PLEKHG4: variants seen among roughly 807,000 people sequenced by gnomAD.
PLEKHG4 encodes the protein puratrophin-1.
A neutral mutation model predicts 136.9 loss-of-function variants in PLEKHG4; 85 were observed. That is an observed-to-expected ratio of 0.62 (90% CI 0.52 to 0.74). PLEKHG4 has a LOEUF of 0.74. PLEKHG4 is among the 30% of genes least tolerant of loss of function. The probability of loss-of-function intolerance (pLI) is 0.00; values close to 1 mark genes in which losing one functional copy is unlikely to be tolerated. For missense variants in PLEKHG4, 1,317 were observed against 1,527.8 expected (o/e 0.86, Z 2.30); for synonymous variants, 577 against 646.9 (o/e 0.89, Z 1.64).
At chr16:67,279,666 GC>G (rs2036119005) in intron 1 of PLEKHG4, 40 bp downstream of exon 1, 1 of 186,174 alleles carries the variant, frequency 5.4e-6, no homozygotes, top group African/African-American at 2.4e-5. Context: ...CGCGCGGTAG[GC>G]CCTGCAACAA....
Position 67,284,904 on chromosome 16 carries a change from C to T in PLEKHG4, c.1884C>T (p.Ala628=). The part of the protein sequence containing the change: ...SEAIRQECRW[A]WARCQDTWLA... Reference sequence around the variant, plus strand: ...CCATCCGCCAGGAGTGCCGCTGGGCCTGGGCGCGGTGCCAGGACACCTGGC... The same window carrying T: ...CCATCCGCCAGGAGTGCCGCTGGGCTTGGGCGCGGTGCCAGGACACCTGGC... Residue 628 remains alanine, a synonymous_variant, in exon 13 of 22, where the codon GCC becomes GCT. Transcript: ENST00000379344. The surrounding 1 kb of genome is among the most constrained non-coding windows in gnomAD (Gnocchi z 4.4). The T allele has an allele frequency of 1.2e-6, 2 of 1,612,654 alleles. No individual in the cohort carries two copies. Among genetic ancestry groups the T allele is most frequent in the Non-Finnish European group, 1.7e-6 (2 of 1,179,796 alleles).
Position 67,284,188 on chromosome 16 carries a change from C to A in PLEKHG4, c.1510-87C>A. 4 of 1,158,144 alleles carry A rather than the reference C, an allele frequency of 3.5e-6. No individual in the cohort carries two copies. Among genetic ancestry groups the A allele is most frequent in the Admixed American group, 2.0e-5 (1 of 49,472 alleles). 71.7% of individuals were successfully genotyped at this position (1,158,144 alleles called of 1,614,324 possible). A position where few individuals can be genotyped will look rare whatever the true frequency, so the allele number is the denominator to read the frequency against. On this transcript the variant is annotated intron_variant, in intron 11 of 21. Coordinates refer to ENST00000379344, the MANE Select transcript of PLEKHG4 (RefSeq NM_001129729.3). This position sits in a 1 kb window ranked among gnomAD's most constrained non-coding sequence, Gnocchi z 4.4. ...CACCACAGGACAGACTTGATGGGGA[C>A]ATGTCGATATGTCAGCAGGAAGTAT...
Position 67,286,797 on chromosome 16 carries a change from G to T in PLEKHG4, c.2803G>T (p.Val935Leu), listed in dbSNP as rs2142475335. 1 of 1,614,034 alleles carries T rather than the reference G, an allele frequency of 6.2e-7. No homozygotes were observed. Among genetic ancestry groups the T allele is most frequent in the East Asian group, 2.2e-5 (1 of 44,884 alleles). ...GQLVRQDEFV[V>L]RTGRHKSVRR... is the part of the protein sequence containing the mutation. Reference sequence around the variant, plus strand: ...GCTGGTGCGACAGGATGAGTTTGTGGTGCGCACTGGGCGCCACAAGTCCGT... The same window carrying T: ...GCTGGTGCGACAGGATGAGTTTGTGTTGCGCACTGGGCGCCACAAGTCCGT... The change falls in exon 17 of 22, where the codon GTG (valine) becomes TTG (leucine). Residue 935 changes from valine (V) to leucine (L), a missense_variant. By Grantham distance (32) the Val-to-Leu change is conservative. Coordinates refer to ENST00000379344, the MANE Select transcript of PLEKHG4 (RefSeq NM_001129729.3).
Position 67,280,505 on chromosome 16 carries a change from G to C in PLEKHG4, c.461G>C (p.Gly154Ala). The C allele has an allele frequency of 6.2e-7, 1 of 1,610,626 alleles. No homozygotes were observed. The change falls in exon 2 of 22, where the codon GGA becomes GCA. Residue 154 changes from glycine to alanine, a missense_variant. Gly to Ala is a moderately conservative substitution (Grantham distance 60). Coordinates refer to ENST00000379344, the MANE Select transcript of PLEKHG4 (RefSeq NM_001129729.3). The surrounding 1 kb of genome is among the most constrained non-coding windows in gnomAD (Gnocchi z 4.4). ...TTGGACAGCGACCCTGTGGGCCTTG[G>C]AGACCCTTTATCAGAAATATCAAAG... ...GALDSDPVGL[G>A]DPLSEISKLL...
chr16:67,278,047 G>C (rs2036056354), upstream of PLEKHG4: 1 of 152,360 alleles, frequency 6.6e-6, no homozygotes, highest in Non-Finnish European at 1.5e-5. Flanking sequence ...GGCTCCTGGG[G>C]GACTTGGCTG....
In PLEKHG4 at chr16:67,284,768, G is replaced by A. The variant is rs184805607; in HGVS notation, c.1748G>A (p.Arg583His). The change falls in exon 13 of 22, where the codon CGC (arginine) becomes CAC (histidine). Residue 583 changes from arginine to histidine, a missense_variant. Arg to His is a conservative substitution (Grantham distance 29). Transcript: ENST00000379344. This position sits in a 1 kb window ranked among gnomAD's most constrained non-coding sequence, Gnocchi z 4.4. The stretch of plus-strand genomic sequence containing the variant: ...GTGTTGGCAGAGCTGGAGCAGGAAC[G>A]CCCGGGGGTTGTGTTGCAGCAGCTG... ...QRVLAELEQE[R>H]PGVVLQQLQL... is the part of the protein sequence containing the mutation. 1.0e-4 allele frequency: 163 copies of A among 1,613,808 alleles called. No individual in the cohort carries two copies. The East Asian group carries it at 3.3e-3, about 32-fold the overall frequency.
At position 67,282,331 on chromosome 16, in the gene PLEKHG4, C is replaced by T. The variant is rs11860295; in HGVS notation, c.1235C>T (p.Thr412Ile). The change falls in exon 9 of 22, where the codon ACC (threonine) becomes ATC (isoleucine). Residue 412 changes from threonine (T) to isoleucine (I), a missense_variant. Thr to Ile is a moderately conservative substitution (Grantham distance 89). Coordinates refer to ENST00000379344, the MANE Select transcript of PLEKHG4 (RefSeq NM_001129729.3). ...TWLKQEVPEV[T>I]LSPDYRTAMD... The stretch of plus-strand genomic sequence containing the variant: ...CTGAAGCAAGAGGTCCCAGAGGTGA[C>T]CCTGAGCCCAGACTACAGGTGAGTG... The T allele has an allele frequency of 0.1, 168,014 of 1,612,318 alleles. 18,869 individuals are homozygous for T. Among genetic ancestry groups the T allele is most frequent in the African/African-American group, 0.58 (43,564 of 74,914 alleles).
At position 67,286,330 on chromosome 16, in the gene PLEKHG4, C is replaced by T; in HGVS notation, c.2499C>T (p.Ala833=). The change falls in exon 15 of 22, where the codon GCC becomes GCT. Residue 833 remains alanine (A), a synonymous_variant. Transcript: ENST00000379344. The part of the protein sequence containing the change: ...LYSKNKPRSD[A]LMSSYGHTFF... ...GCAAGAATAAGCCTCGCTCCGATGC[C>T]CTGATGTCAAGCTATGGGCACACCT... is the stretch of plus-strand genomic sequence containing the variant. 6.2e-7 allele frequency: 1 copy of T among 1,613,934 alleles called. No individual in the cohort carries two copies. Among genetic ancestry groups the T allele is most frequent in the Non-Finnish European group, 8.5e-7 (1 of 1,179,878 alleles).
Position 67,282,282 on chromosome 16 carries a change from C to CA in PLEKHG4, c.1187dup (p.Arg399ProfsTer27), listed in dbSNP as rs2036268005. On this transcript the variant is annotated frameshift_variant, in exon 9 of 22. Transcript: ENST00000379344. LOFTEE classifies it high-confidence loss of function. ...GCCATGGCTGGCATGGCTACAATGC[C>CA]AGGGGGGCCGGGAGCTGACATGGCT... 19 of 1,613,170 alleles carry CA rather than the reference C, an allele frequency of 1.2e-5. No homozygotes were observed. Among genetic ancestry groups the CA allele is most frequent in the Non-Finnish European group, 1.5e-5 (18 of 1,180,026 alleles).
In PLEKHG4 at chr16:67,288,292, C is replaced by G; in HGVS notation, c.3346C>G (p.Leu1116Val). The G allele has an allele frequency of 6.2e-7, 1 of 1,613,118 alleles. No individual in the cohort carries two copies. Among genetic ancestry groups the G allele is most frequent in the South Asian group, 1.1e-5 (1 of 91,088 alleles). Residue 1116 changes from leucine (L) to valine (V), a missense_variant, in exon 20 of 22, where the codon CTG becomes GTG. Physicochemically the swap from Leu to Val is conservative, Grantham distance 32. Transcript: ENST00000379344. The part of the protein sequence containing the change: ...CSVLGSLNLH[L>V]YRDPALLGLR... ...TGTTCTGGGGTCCCTCAACCTGCAC[C>G]TGTACAGAGACCCAGCTCTTCTGGG...
chr16:67,284,336 T>C lies in PLEKHG4; in HGVS notation c.1571T>C (p.Leu524Pro), dbSNP rs748143020. The C allele has an allele frequency of 1.2e-6, 2 of 1,613,870 alleles. No homozygotes were observed. Among genetic ancestry groups the C allele is most frequent in the African/African-American group, 1.3e-5 (1 of 75,044 alleles). The change falls in exon 12 of 22, where the codon CTG becomes CCG. Residue 524 changes from leucine (L) to proline (P), a missense_variant. Leu to Pro is a moderately conservative substitution (Grantham distance 98). Coordinates refer to ENST00000379344, the MANE Select transcript of PLEKHG4 (RefSeq NM_001129729.3). This position sits in a 1 kb window ranked among gnomAD's most constrained non-coding sequence, Gnocchi z 4.4. ...QPLTGWEAAE[L>P]DPPGARFLAL... The stretch of plus-strand genomic sequence containing the variant: ...CTGACTGGCTGGGAGGCGGCTGAAC[T>C]GGACCCCCCTGGGGCACGCTTTCTG...
chr16:67,288,781 C>T lies in PLEKHG4; in HGVS notation c.3571-22C>T, dbSNP rs759601846. The stretch of plus-strand genomic sequence containing the variant: ...GTCCAGAGTCAGGGAAGCAGGCATT[C>T]ATGCCTGGCCTGGCCCTGCAGGTCT... On this transcript the variant is annotated intron_variant, in intron 21 of 21. Coordinates refer to ENST00000379344, the MANE Select transcript of PLEKHG4 (RefSeq NM_001129729.3). 3.7e-6 allele frequency: 6 copies of T among 1,613,384 alleles called. No individual in the cohort carries two copies. In the Admixed American group the frequency reaches 5.0e-5, roughly 13 times the overall value.
At chr16:67,281,912 G>T (rs1348753785) in intron 7 of PLEKHG4, 75 bp downstream of exon 7, 2 of 1,544,202 alleles carry the variant, frequency 1.3e-6, no homozygotes, top group African/African-American at 1.4e-5. Flanking sequence ...TCTGGGGCTG[G>T]CTTGAACCAG....
Position 67,287,974 on chromosome 16 carries a change from C to A in PLEKHG4, c.3180C>A (p.Ala1060=). 6.2e-7 allele frequency: 1 copy of A among 1,613,494 alleles called. No individual in the cohort carries two copies. Among genetic ancestry groups the A allele is most frequent in the South Asian group, 1.1e-5 (1 of 91,058 alleles). The change falls in exon 19 of 22, where the codon GCC becomes GCA. Residue 1060 remains alanine (A), a synonymous_variant. Coordinates refer to ENST00000379344, the MANE Select transcript of PLEKHG4 (RefSeq NM_001129729.3). ...GAGACATTGCTCCCAGCGAGGAAGC[C>A]ATCAACGACCGCACCGTCAACTATG... ...AFRDIAPSEE[A]INDRTVNYVL...
intron 18 of PLEKHG4, 149 bp downstream of exon 18, chr16:67,287,326 G>C (rs2036523376): frequency 1.2e-6 from 1 of 807,080 alleles, no homozygotes; most frequent in South Asian, 1.4e-5. Context: ...TTCAAAGCCA[G>C]GCAGCCTTGC....
rs1164821793 is a variant in PLEKHG4 at position 67,289,139 on chromosome 16, C to T, written c.*331C>T. The T allele has an allele frequency of 2.0e-6, 1 of 493,890 alleles. No homozygotes were observed. Among genetic ancestry groups the T allele is most frequent in the Non-Finnish European group, 3.7e-6 (1 of 270,336 alleles). The allele number at this position is 493,890 out of a possible 1,614,324, so 30.6% of individuals were successfully genotyped here. A position where few individuals can be genotyped will look rare whatever the true frequency, so the allele number is the denominator to read the frequency against. ...TAGGCTGGTGGGGGACCATGTGCCT[C>T]TAGGCAGTGACTAGGGTGCCCCCAC... is the stretch of plus-strand genomic sequence containing the variant. On this transcript the variant is annotated 3_prime_UTR_variant, in exon 22 of 22. Transcript: ENST00000379344.
Position 67,288,867 on chromosome 16 carries a change from T to C in PLEKHG4, c.*59T>C, listed in dbSNP as rs2036615716. On this transcript the variant is annotated 3_prime_UTR_variant, in exon 22 of 22. Coordinates refer to ENST00000379344, the MANE Select transcript of PLEKHG4 (RefSeq NM_001129729.3). ...CTGCAGCTCCAAGGAACATTGCCTC[T>C]CTGGATCTGCTGTGACCAGGGTGTG... 6.3e-7 allele frequency: 1 copy of C among 1,594,956 alleles called. No homozygotes were observed. Among genetic ancestry groups the C allele is most frequent in the Non-Finnish European group, 8.6e-7 (1 of 1,167,326 alleles).
chr16:67,278,705 C>T (rs556799199), upstream of PLEKHG4: 10 of 152,344 alleles, frequency 6.6e-5, no homozygotes, highest in African/African-American at 2.4e-4. Context: ...GTCCTCACGG[C>T]AACCCCAGGA....
intron 18 of PLEKHG4, 24 bp downstream of exon 18, chr16:67,287,201 G>A (rs767805549): frequency 2.7e-5 from 43 of 1,599,656 alleles, no homozygotes; most frequent in Admixed American, 3.3e-5. Flanking sequence ...CCTCCTTCAC[G>A]CCACACTCCC....
Sources: gnomAD v4.1 joint callset for allele counts on GRCh38, gnomAD v4.1.1 for gene constraint, Gnocchi (gnomAD v3.1) non-coding constraint, MANE v1.5 for transcripts, NCBI Gene and HGNC (gene_info 2026-07-23, HGNC 2026-07-21) for gene names.